FER: variants seen among roughly 807,000 people sequenced by gnomAD.
FER encodes FER tyrosine kinase.
FER carries 63 observed loss-of-function variants against 111.0 expected under a neutral mutation model. The observed-to-expected ratio is 0.57, with a 90% CI of 0.46 to 0.70. FER has a LOEUF of 0.70. Among genes scored for constraint, FER ranks in the 30% least tolerant of loss-of-function variants. FER has a pLI of 0.00. For synonymous variants in FER, 327 were observed against 313.9 expected (o/e 1.04, Z -0.44); for missense variants, 914 against 954.0 (o/e 0.96, Z 0.55).
At chr5:108,919,267 G>T (rs1265176331) in intron 10 of FER, among the ~76,000 whole-genome samples, 2 of 148,494 alleles carry the variant, frequency 1.3e-5, no homozygotes, top group African/African-American at 5.0e-5. Flanking sequence ...GGTTATTCTT[G>T]ATTTCACTTT....
chr5:108,865,647 C>T (rs530368202), intron 5 of FER, among the ~76,000 whole-genome samples: 3 of 152,268 alleles, frequency 2.0e-5, no homozygotes, highest in Admixed American at 6.5e-5. Flanking sequence ...ATTGAACAGG[C>T]AGCCTACAGA....
intron 5 of FER, among the ~76,000 whole-genome samples, chr5:108,862,242 A>G (rs1267162637): frequency 6.6e-6 from 1 of 152,180 alleles, no homozygotes; most frequent in Non-Finnish European, 1.5e-5. Context: ...TTTTGGCTCT[A>G]ATGACTTCAG....
At chr5:109,010,436 C>T (rs929245896) in intron 13 of FER, among the ~76,000 whole-genome samples, 12 of 152,074 alleles carry the variant, frequency 7.9e-5, no homozygotes, top group African/African-American at 2.4e-4. Flanking sequence ...GAATTACAGC[C>T]GTGAGCCACC....
chr5:108,871,678 T>C (rs1210729113), intron 7 of FER, among the ~76,000 whole-genome samples, 176 bp downstream of exon 7: 1 of 152,068 alleles, frequency 6.6e-6, no homozygotes, highest in African/African-American at 2.4e-5. Context: ...GATAACTATA[T>C]AATGTATAGT....
intron 17 of FER, among the ~76,000 whole-genome samples, chr5:109,104,957 A>T (rs1442935497): frequency 6.6e-6 from 1 of 151,866 alleles, no homozygotes; most frequent in Non-Finnish European, 1.5e-5. Flanking sequence ...GTTAGCCAGG[A>T]TGGTCTCAAT....
At chr5:108,755,546 C>T (rs1750995245) in intron 1 of FER, among the ~76,000 whole-genome samples, 1 of 152,106 alleles carries the variant, frequency 6.6e-6, no homozygotes, top group African/African-American at 2.4e-5. Flanking sequence ...AGTGCAATGG[C>T]ACAATCTCGG....
chr5:108,930,861 G>A (rs1754567606), intron 10 of FER, among the ~76,000 whole-genome samples: 2 of 151,616 alleles, frequency 1.3e-5, no homozygotes, highest in African/African-American at 4.8e-5. Flanking sequence ...TGATCCATCT[G>A]CCTTGGCCTC....
chr5:108,830,566 A>ATTT (rs1442027183), intron 3 of FER: 4 of 152,180 alleles, frequency 2.6e-5, no homozygotes, highest in African/African-American at 9.7e-5. Context: ...TATTATTATT[A>ATTT]TTGCTACTTT....
intron 13 of FER, among the ~76,000 whole-genome samples, chr5:108,995,473 G>A (rs530704874): frequency 2.7e-5 from 4 of 150,068 alleles, no homozygotes; most frequent in Admixed American, 2.0e-4. Context: ...ATGTACATGT[G>A]TTCTCATTGT....
intron 16 of FER, among the ~76,000 whole-genome samples, chr5:109,070,168 G>C (rs1775605082): frequency 6.6e-6 from 1 of 151,198 alleles, no homozygotes; most frequent in African/African-American, 2.4e-5. Context: ...ATATGTCCCT[G>C]CAAGTCCAGA....
intron 5 of FER, chr5:108,841,896 G>A (rs947628829): frequency 2.8e-6 from 1 of 362,968 alleles, no homozygotes; most frequent in Non-Finnish European, 5.3e-6. Context: ...GTAAGGATTA[G>A]TATTTTTGTA....
At chr5:108,878,963 G>A (rs1024956002) in intron 8 of FER, among the ~76,000 whole-genome samples, 5 of 151,970 alleles carry the variant, frequency 3.3e-5, no homozygotes, top group Admixed American at 6.6e-5. Flanking sequence ...CCCACTTACC[G>A]GCTCTGTGAC....
At position 109,165,593 on chromosome 5, in the gene FER, GGTGTGTGTGTGTGT is replaced by G. The variant is rs66749153; in HGVS notation, c.2049-15121_2049-15108del. ...ACCACACAGGTGGGAGGAGGGAACT[GGTGTGTGTGTGTGT>G]GTGTGTGTGTGTGTGTGTGTGTGTG... On this transcript the variant is annotated intron_variant, in intron 17 of 19. Coordinates refer to ENST00000281092, the MANE Select transcript of FER (RefSeq NM_005246.4). Among the ~76,000 whole-genome samples the G allele has an allele frequency of 8.6e-3, 1,228 of 142,338 alleles. 17 individuals carry two copies. The highest frequency in any genetic ancestry group is 0.028 in the African/African-American group (1,073 of 38,382). The allele number at this position is 142,338 out of a possible 152,430, so 93.4% of individuals were successfully genotyped here. A position where few individuals can be genotyped will look rare whatever the true frequency, so the allele number is the denominator to read the frequency against.
At chr5:109,183,403 C>T (rs1758507897) in intron 18 of FER, among the ~76,000 whole-genome samples, 1 of 152,064 alleles carries the variant, frequency 6.6e-6, no homozygotes, top group South Asian at 2.1e-4. Context: ...TGCCCGCCAC[C>T]ACGCCCAGCT....
At chr5:109,003,532 AGTGC>A (rs1765093313) in intron 13 of FER, among the ~76,000 whole-genome samples, 2 of 152,144 alleles carry the variant, frequency 1.3e-5, no homozygotes, top group Non-Finnish European at 2.9e-5. Context: ...CGAGTTTATG[AGTGC>A]AGCACACCAG....
chr5:108,911,351 A>G (rs76607700), intron 10 of FER, among the ~76,000 whole-genome samples: 11,274 of 151,966 alleles, frequency 0.074, 451 homozygotes, highest in Non-Finnish European at 0.082. Flanking sequence ...TCAGTTCCCT[A>G]TAGATTCTGG....
chr5:108,795,398 T>C (rs1024460993), intron 2 of FER, among the ~76,000 whole-genome samples: 3 of 151,320 alleles, frequency 2.0e-5, no homozygotes, highest in African/African-American at 7.3e-5. Flanking sequence ...TGTTTTCTTT[T>C]TTTTTTTTTT....
intron 18 of FER, among the ~76,000 whole-genome samples, chr5:109,185,347 T>C (rs553682783): frequency 6.6e-5 from 10 of 152,326 alleles, no homozygotes; most frequent in Non-Finnish European, 1.5e-4. Context: ...ATAAATATTT[T>C]TCGTAAATGA....
At chr5:109,099,341 T>C (rs921416050) in intron 16 of FER, among the ~76,000 whole-genome samples, 1 of 151,612 alleles carries the variant, frequency 6.6e-6, no homozygotes, top group African/African-American at 2.4e-5. Flanking sequence ...TCTAAAAAAC[T>C]GAATTTTAAT....
Sources: allele counts gnomAD v4.1 joint callset (sites outside exome capture counted in the v4.1 genomes callset), GRCh38; gene constraint gnomAD v4.1.1; transcripts MANE v1.5; gene names NCBI Gene and HGNC (gene_info 2026-07-23, HGNC 2026-07-21).